NKAIN3: variants seen among roughly 807,000 people sequenced by gnomAD.
NKAIN3 encodes the protein sodium/potassium-transporting ATPase subunit beta-1-interacting protein 3.
NKAIN3 carries 25 observed loss-of-function variants against 30.2 expected under a neutral mutation model. That is an observed-to-expected ratio of 0.83 (90% confidence interval 0.60 to 1.16). NKAIN3 has a LOEUF of 1.16. Among genes scored for constraint, NKAIN3 ranks in the 50% most tolerant of loss-of-function variants. The pLI is 0.00. For synonymous variants in NKAIN3, 91 were observed against 89.6 expected, an observed-to-expected ratio of 1.02 and a Z score of -0.09; for missense variants, 225 against 254.1, an observed-to-expected ratio of 0.89 and a Z score of 0.78.
intron 5 of NKAIN3, among the ~76,000 whole-genome samples, chr8:62,921,290 C>T (rs1328243004): frequency 2.0e-5 from 3 of 152,152 alleles, no homozygotes; most frequent in African/African-American, 4.8e-5. Context: ...GGCAATACAT[C>T]ATTCATAACT....
At chr8:62,673,078 CTT>C (rs1463872834) in intron 3 of NKAIN3, among the ~76,000 whole-genome samples, 30 of 152,150 alleles carry the variant, frequency 2.0e-4, no homozygotes, top group Admixed American at 1.6e-3. Context: ...AGTCTAGCAG[CTT>C]TCTCAAGGTC....
At chr8:62,483,360 C>T in intron 1 of NKAIN3, 1 of 205,390 alleles carries the variant, frequency 4.9e-6, no homozygotes, top group Non-Finnish European at 1.0e-5. Context: ...TGCACCCTGG[C>T]AGACTTTTGT....
At chr8:62,468,316 T>A (rs1051677097) in intron 1 of NKAIN3, among the ~76,000 whole-genome samples, 1 of 152,184 alleles carries the variant, frequency 6.6e-6, no homozygotes, top group African/African-American at 2.4e-5. Context: ...AGGCAGAAAG[T>A]GATTCAGCCT....
intron 3 of NKAIN3, among the ~76,000 whole-genome samples, chr8:62,680,361 G>A (rs1447580302): frequency 6.6e-6 from 1 of 152,172 alleles, no homozygotes; most frequent in Non-Finnish European, 1.5e-5. Context: ...TACCTGCAGA[G>A]CTGTGAGATA....
chr8:62,667,302 AAT>A (rs767231305), intron 3 of NKAIN3, among the ~76,000 whole-genome samples: 18 of 140,628 alleles, frequency 1.3e-4, no homozygotes, highest in South Asian at 4.3e-4. Flanking sequence ...TATAATAAAA[AAT>A]ATATATATAT....
chr8:62,249,757 G>A (rs1392389939), intron 1 of NKAIN3, among the ~76,000 whole-genome samples: 2 of 151,980 alleles, frequency 1.3e-5, no homozygotes, highest in Non-Finnish European at 2.9e-5. Context: ...TTCAGGCGGC[G>A]ACAGACTGAC....
intron 3 of NKAIN3, among the ~76,000 whole-genome samples, chr8:62,725,506 G>A (rs1466892944): frequency 6.6e-6 from 1 of 152,080 alleles, no homozygotes; most frequent in Non-Finnish European, 1.5e-5. Flanking sequence ...ATAGTTTGAG[G>A]TCTTAGATTT....
intron 1 of NKAIN3, among the ~76,000 whole-genome samples, chr8:62,374,364 A>G (rs1449216863): frequency 6.6e-6 from 1 of 152,164 alleles, no homozygotes; most frequent in Non-Finnish European, 1.5e-5. Flanking sequence ...AGTACTGGCA[A>G]TTGCAGCCTA....
chr8:62,711,153 C>T (rs1205408274), intron 3 of NKAIN3, among the ~76,000 whole-genome samples: 4 of 152,090 alleles, frequency 2.6e-5, no homozygotes, highest in African/African-American at 9.7e-5. Context: ...GTACTTCTGT[C>T]TCACAGCTGT....
intron 1 of NKAIN3, among the ~76,000 whole-genome samples, chr8:62,481,341 C>A (rs1406254132): frequency 6.6e-6 from 1 of 152,144 alleles, no homozygotes; most frequent in Non-Finnish European, 1.5e-5. Context: ...TTGCATTCAT[C>A]CTGGAGGGCA....
chr8:62,327,111 T>C (rs552102732), intron 1 of NKAIN3, among the ~76,000 whole-genome samples: 18 of 152,220 alleles, frequency 1.2e-4, no homozygotes, highest in African/African-American at 4.3e-4. Context: ...GCCATTCGTA[T>C]GTCTTTTGTG....
At chr8:62,555,506 T>G (rs1285665514) in intron 1 of NKAIN3, among the ~76,000 whole-genome samples, 1 of 151,974 alleles carries the variant, frequency 6.6e-6, no homozygotes, top group Non-Finnish European at 1.5e-5. Context: ...GTGAAAATAT[T>G]TCTAAGGATA....
chr8:62,826,997 CA>C (rs1275220813), intron 4 of NKAIN3, among the ~76,000 whole-genome samples: 1 of 152,056 alleles, frequency 6.6e-6, no homozygotes, highest in Non-Finnish European at 1.5e-5. Context: ...AGGCTTTAGC[CA>C]AACTAAGCTG....
chr8:62,964,332 A>G (rs1046430856), intron 6 of NKAIN3, among the ~76,000 whole-genome samples: 3 of 152,206 alleles, frequency 2.0e-5, no homozygotes, highest in Non-Finnish European at 2.9e-5. Context: ...ATGAAGTATC[A>G]TCTATGTAGT....
At chr8:62,823,647 A>C (rs1345550383) in intron 4 of NKAIN3, among the ~76,000 whole-genome samples, 4 of 152,190 alleles carry the variant, frequency 2.6e-5, no homozygotes, top group Admixed American at 6.5e-5. Context: ...TTCCACTTCA[A>C]GACAGCCACT....
intron 3 of NKAIN3, among the ~76,000 whole-genome samples, chr8:62,670,103 C>A (rs1375203984): frequency 1.3e-5 from 2 of 151,982 alleles, no homozygotes; most frequent in Non-Finnish European, 2.9e-5. Flanking sequence ...TAAACAACAA[C>A]AAAAAACCAT....
intron 3 of NKAIN3, among the ~76,000 whole-genome samples, chr8:62,651,280 A>G (rs562633273): frequency 2.0e-5 from 3 of 152,198 alleles, no homozygotes; most frequent in African/African-American, 7.2e-5. Flanking sequence ...GCATGATAAA[A>G]AGGTGCCACA....
rs1160221141 is a variant in NKAIN3 at position 62,964,910 on chromosome 8, A to T, written c.604-444A>T. On this transcript the variant is annotated intron_variant, in intron 6 of 6. Transcript: ENST00000623646. ...GCTGACACATAAAAGTAGCCATCAC[A>T]GGATGGGATGTGTGTAAGGAACATA... Among the ~76,000 whole-genome samples the T allele has an allele frequency of 2.0e-5, 3 of 152,186 alleles. 1 individual carries two copies. The highest frequency in any genetic ancestry group is 4.4e-5 in the Non-Finnish European group (3 of 68,018).
At chr8:62,342,189 G>C (rs2129591007) in intron 1 of NKAIN3, among the ~76,000 whole-genome samples, 1 of 137,086 alleles carries the variant, frequency 7.3e-6, no homozygotes, top group East Asian at 2.1e-4. Context: ...CTATAACTTT[G>C]GCTCAAATTT....
Sources: gnomAD v4.1 joint callset for allele counts (sites outside exome capture counted in the v4.1 genomes callset) on GRCh38, gnomAD v4.1.1 for gene constraint, MANE v1.5 for transcripts, NCBI Gene and HGNC (gene_info 2026-07-23, HGNC 2026-07-21) for gene names.